LINGO2: variants seen among roughly 807,000 people sequenced by gnomAD.
LINGO2 encodes the protein leucine rich repeat and Ig domain containing 2.
A neutral mutation model predicts 30.6 loss-of-function variants in LINGO2; 14 were observed. That is an observed-to-expected ratio of 0.46 (90% CI 0.30 to 0.72). The LOEUF is 0.72. Among genes scored for constraint, LINGO2 ranks in the 30% least tolerant of loss-of-function variants. LINGO2 has a pLI of 0.07. For missense variants in LINGO2, 729 were observed against 751.7 expected, an observed-to-expected ratio of 0.97 and a Z score of 0.35; for synonymous variants, 317 against 288.5, an observed-to-expected ratio of 1.10 and a Z score of -1.00.
chr9:28,650,681 T>C lies in LINGO2; in HGVS notation c.-365+19519A>G, dbSNP rs553370473. ...CCTCTTCCCTGGCTGTTTTCTTCTT[T>C]CTACTTATGTCTAATAAACGAGCCC... On this transcript the variant is annotated intron_variant, in intron 1 of 5. Transcript: ENST00000379992. Among the ~76,000 whole-genome samples the C allele has an allele frequency of 1.7e-4, 26 of 152,312 alleles. 1 individual carries two copies. The South Asian group carries it at 4.1e-3, about 24-fold the overall frequency.
At chr9:28,324,642 C>T (rs1825160425) in intron 3 of LINGO2, among the ~76,000 whole-genome samples, 1 of 152,098 alleles carries the variant, frequency 6.6e-6, no homozygotes, top group Admixed American at 6.5e-5. Flanking sequence ...GATACTTCCA[C>T]CAGTGCCATA....
chr9:28,101,283 C>G (rs993038), intron 4 of LINGO2, among the ~76,000 whole-genome samples: 143,176 of 152,016 alleles, frequency 0.94, 67,473 homozygotes, highest in South Asian at 0.99. Context: ...CTTGAGTATA[C>G]AGCTCCAGTT....
chr9:28,917,228 A>C, the LINGO2 span, among the ~76,000 whole-genome samples: 1 of 152,172 alleles, frequency 6.6e-6, no homozygotes, highest in Admixed American at 6.5e-5. Flanking sequence ...ATTAAGTAGT[A>C]AACATTATTA....
In LINGO2 at chr9:28,469,893, C is replaced by T. The variant is rs553448591; in HGVS notation, c.-279+6047G>A. On this transcript the variant is annotated intron_variant, in intron 2 of 5. Coordinates refer to ENST00000379992, the Ensembl canonical transcript of LINGO2. ...AAGTCATATGAAAATATGAAGTTCT[C>T]CAGTAAAAATGAACACAGGGACAAA... Among the ~76,000 whole-genome samples the T allele has an allele frequency of 4.0e-3, 614 of 151,958 alleles. 3 individuals carry two copies. The highest frequency in any genetic ancestry group is 4.9e-3 in the Non-Finnish European group (332 of 67,944).
chr9:28,180,176 G>A (rs548987134), intron 4 of LINGO2, among the ~76,000 whole-genome samples: 38 of 152,186 alleles, frequency 2.5e-4, no homozygotes, highest in Admixed American at 4.6e-4. Flanking sequence ...AAGCAAAACC[G>A]TCTGCTTTAT....
chr9:28,033,503 C>T (rs1823783014), intron 4 of LINGO2, among the ~76,000 whole-genome samples: 2 of 152,132 alleles, frequency 1.3e-5, no homozygotes, highest in South Asian at 4.1e-4. Context: ...AGGCAGAGCA[C>T]TAGGAGAATA....
At chr9:28,987,163 C>T in the LINGO2 span, among the ~76,000 whole-genome samples, 1 of 148,704 alleles carries the variant, frequency 6.7e-6, no homozygotes, top group Non-Finnish European at 1.5e-5. Context: ...AGCAGTGAAG[C>T]CTTCAGATTC....
At chr9:29,180,117 A>G in the LINGO2 span, among the ~76,000 whole-genome samples, 1 of 152,174 alleles carries the variant, frequency 6.6e-6, no homozygotes, top group South Asian at 2.1e-4. Context: ...TATAATTGCA[A>G]TTTCAATCAT....
chr9:28,216,632 T>G (rs1424288001), intron 4 of LINGO2, among the ~76,000 whole-genome samples: 1 of 151,876 alleles, frequency 6.6e-6, no homozygotes, highest in Non-Finnish European at 1.5e-5. Context: ...AAAAATTATA[T>G]CTATTTAAAT....
the LINGO2 span, among the ~76,000 whole-genome samples, chr9:28,781,509 G>T: frequency 6.6e-6 from 1 of 152,094 alleles, no homozygotes; most frequent in Admixed American, 6.6e-5. Flanking sequence ...TCTACAATTG[G>T]CACTATTTCC....
At chr9:28,771,893 A>T in the LINGO2 span, among the ~76,000 whole-genome samples, 3,030 of 152,210 alleles carry the variant, frequency 0.02, 54 homozygotes, top group Non-Finnish European at 0.029. Flanking sequence ...TCATTTTTTA[A>T]CATATCACAG....
the LINGO2 span, among the ~76,000 whole-genome samples, chr9:29,103,550 G>A: frequency 6.6e-6 from 1 of 151,614 alleles, no homozygotes; most frequent in Non-Finnish European, 1.5e-5. Context: ...TTTTTAAAAT[G>A]TATATTTTTA....
intron 4 of LINGO2, among the ~76,000 whole-genome samples, chr9:28,021,778 G>T (rs996224571): frequency 6.6e-6 from 1 of 151,960 alleles, no homozygotes; most frequent in Non-Finnish European, 1.5e-5. Context: ...AGTCAGTTTC[G>T]TTTAATACAC....
At chr9:29,051,441 T>C in the LINGO2 span, among the ~76,000 whole-genome samples, 1 of 152,198 alleles carries the variant, frequency 6.6e-6, no homozygotes, top group Non-Finnish European at 1.5e-5. Context: ...TGTCTTTTCA[T>C]GGCTTGATAA....
At chr9:28,363,031 T>C (rs999526985) in intron 3 of LINGO2, among the ~76,000 whole-genome samples, 3 of 152,214 alleles carry the variant, frequency 2.0e-5, no homozygotes, top group African/African-American at 4.8e-5. Flanking sequence ...AATCATATAA[T>C]TATTATAATA....
At chr9:29,050,777 C>A in the LINGO2 span, among the ~76,000 whole-genome samples, 1 of 152,154 alleles carries the variant, frequency 6.6e-6, no homozygotes, top group African/African-American at 2.4e-5. Flanking sequence ...GTACTGGTGA[C>A]AATAGCAACT....
chr9:28,860,948 TATATA>T, the LINGO2 span, among the ~76,000 whole-genome samples: 295 of 134,494 alleles, frequency 2.2e-3, 1 homozygote, highest in African/African-American at 7.9e-3. Context: ...AAAAATAATA[TATATA>T]ATATATTATA....
the LINGO2 span, among the ~76,000 whole-genome samples, chr9:28,764,322 G>T: frequency 1.3e-5 from 2 of 151,698 alleles, no homozygotes; most frequent in African/African-American, 4.8e-5. Context: ...ACCAACTGGG[G>T]TTTATTTCTG....
At position 28,129,283 on chromosome 9, in the gene LINGO2, A is replaced by G. The variant is rs1484450567; in HGVS notation, c.-86-116878T>C. Among the ~76,000 whole-genome samples, 1 of 152,094 alleles carries G rather than the reference A, an allele frequency of 6.6e-6. No individual in the cohort carries two copies. Among genetic ancestry groups the G allele is most frequent in the African/African-American group, 2.4e-5 (1 of 41,414 alleles). On this transcript the variant is annotated intron_variant, in intron 4 of 5. Coordinates refer to ENST00000379992, the Ensembl canonical transcript of LINGO2. This position sits in a 1 kb window ranked among gnomAD's most constrained non-coding sequence, Gnocchi z 4.0. Reference sequence around the variant, plus strand: ...TTAATAAACTCCTTTTGGTATATACATATATCCTATTAGTTGTATCCCTCT... The same window carrying G: ...TTAATAAACTCCTTTTGGTATATACGTATATCCTATTAGTTGTATCCCTCT...
Sources: allele counts gnomAD v4.1 joint callset (sites outside exome capture counted in the v4.1 genomes callset), GRCh38; gene constraint gnomAD v4.1.1; non-coding constraint Gnocchi (gnomAD v3.1); transcripts MANE v1.5; gene names NCBI Gene and HGNC (gene_info 2026-07-23, HGNC 2026-07-21).